Variants in IRX4 observed in about 807,000 individuals in gnomAD.
IRX4 encodes the protein iroquois-class homeodomain protein IRX-4.
In IRX4, 22 loss-of-function variants were observed where a neutral mutation model predicts 32.0. That is an observed-to-expected ratio of 0.69 (90% confidence interval 0.49 to 0.98). The LOEUF (loss-of-function observed/expected upper bound fraction) is 0.98. Among genes scored for constraint, IRX4 ranks in the 50% least tolerant of loss-of-function variants. IRX4 has a pLI of 0.00. For synonymous variants in IRX4, 379 were observed against 351.7 expected (o/e 1.08, Z -0.87); for missense variants, 840 against 744.2 (o/e 1.13, Z -1.50).
chr5:1,885,888 G>A (rs1019315814), upstream of IRX4, among the ~76,000 whole-genome samples: 4 of 152,282 alleles, frequency 2.6e-5, no homozygotes, highest in East Asian at 1.9e-4. Flanking sequence ...GCATAGACTC[G>A]GAGTGCTGAG....
In IRX4 at chr5:1,878,487, C is replaced by G. The variant is rs1347217232; in HGVS notation, c.1042G>C (p.Glu348Gln). 2.1e-6 allele frequency: 3 copies of G among 1,442,962 alleles called. No homozygotes were observed. Among genetic ancestry groups the G allele is most frequent in the Admixed American group, 2.7e-5 (1 of 36,614 alleles). The allele number at this position is 1,442,962 out of a possible 1,614,324, so 89.4% of individuals were successfully genotyped here. A position where few individuals can be genotyped will look rare whatever the true frequency, so the allele number is the denominator to read the frequency against. The part of the protein sequence containing the change: ...PGAEGGPQVC[E>Q]AKLGFVPAGA... ...GCCGGCACAAACCCCAGCTTGGCCT[C>G]GCAGACCTGAGGGCCGCCCTCTGCG... The change falls in exon 5 of 5, where the codon GAG becomes CAG. Residue 348 changes from glutamate (E) to glutamine (Q), a missense_variant. Glu to Gln is a conservative substitution (Grantham distance 29, BLOSUM62 2). Around this residue, in one of 3 missense-constraint regions of IRX4, gnomAD observed 585 missense variants for 488.0 expected, o/e 1.20. Transcript: ENST00000231357.
At chr5:1,885,486 A>G (rs375150444), upstream of IRX4, among the ~76,000 whole-genome samples, 37 of 151,890 alleles carry the variant, frequency 2.4e-4, no homozygotes, top group East Asian at 1.4e-3. Flanking sequence ...AGGCCGCCGC[A>G]CACACACGCT....
At position 1,881,965 on chromosome 5, in the gene IRX4, A is replaced by G; in HGVS notation, c.140T>C (p.Val47Ala). ...CCGGCTCTCGTAGACCGGGCAGTAG[A>G]CCGGCGCCTGGGCCGAGGCGGCGGG... The part of the protein sequence containing the change: ...SGPAASAQAP[V>A]YCPVYESRLL... Residue 47 changes from valine (V) to alanine (A), a missense_variant, in exon 2 of 5, where the codon GTC (valine) becomes GCC (alanine). Transcript: ENST00000231357. 1 of 1,558,530 alleles carries G rather than the reference A, an allele frequency of 6.4e-7. No individual in the cohort carries two copies. The highest frequency in any genetic ancestry group is 8.7e-7 in the Non-Finnish European group (1 of 1,151,836).
chr5:1,880,624 C>T (rs566779368), intron 3 of IRX4, 101 bp downstream of exon 3: 3 of 813,264 alleles, frequency 3.7e-6, no homozygotes, highest in South Asian at 3.0e-5. Flanking sequence ...CTTCCTGCCT[C>T]CCGCCTTCCA....
chr5:1,886,136 GT>G (rs1579259673), upstream of IRX4, among the ~76,000 whole-genome samples: 1 of 152,272 alleles, frequency 6.6e-6, no homozygotes, highest in Non-Finnish European at 1.5e-5. Context: ...CGGGGTTACC[GT>G]TGGCCGTCGG....
upstream of IRX4, chr5:1,886,716 C>T (rs1420457736): frequency 6.6e-6 from 1 of 151,018 alleles, no homozygotes; most frequent in Non-Finnish European, 1.5e-5. Context: ...CCACCCCCCG[C>T]CCCGCGCCGG....
rs911974075 is a variant in IRX4 at position 1,878,563 on chromosome 5, C to T, written c.966G>A (p.Arg322=). ...CCGCGCTGCGGAGACAGCTCCGGGC[C>T]CTCTCCAGGTCCTCGTCCAGAGCAG... ...GGAALDEDLE[R]ARSCLRSAAA... The change falls in exon 5 of 5, where the codon AGG becomes AGA. Residue 322 remains arginine, a synonymous_variant. Transcript: ENST00000231357. The T allele has an allele frequency of 1.3e-6, 2 of 1,543,078 alleles. No homozygotes were observed. The highest frequency in any genetic ancestry group is 1.4e-5 in the African/African-American group (1 of 72,808).
In IRX4 at chr5:1,878,643, G is replaced by A. The variant is rs905616747; in HGVS notation, c.886C>T (p.Pro296Ser). ...AGCGCGCCTGAGGCCTCCTTGACCG[G>A]GCCGTCGGGCGCGGCGGGGACGCGC... ...LERVPAAPDG[P>S]VKEASGALRM... The change falls in exon 5 of 5, where the codon CCG (proline) becomes TCG (serine). Residue 296 changes from proline (P) to serine (S), a missense_variant. By Grantham distance (74) the Pro-to-Ser change is moderately conservative (BLOSUM62 -1). This residue lies in a region of IRX4 where 585 missense variants were observed against 488.0 expected (regional missense o/e 1.20). Coordinates refer to ENST00000231357, the MANE Select transcript of IRX4 (RefSeq NM_016358.3). The A allele has an allele frequency of 1.3e-6, 2 of 1,592,814 alleles. No homozygotes were observed. Among genetic ancestry groups the A allele is most frequent in the Non-Finnish European group, 1.7e-6 (2 of 1,170,678 alleles).
intron 3 of IRX4, chr5:1,880,205 G>T: frequency 7.4e-7 from 1 of 1,355,840 alleles, no homozygotes; most frequent in South Asian, 1.3e-5. Context: ...ACGTGTGGCA[G>T]GAAGGGTCAT....
At chr5:1,883,335 C>T (rs1579256525), upstream of IRX4, among the ~76,000 whole-genome samples, 1 of 152,364 alleles carries the variant, frequency 6.6e-6, no homozygotes, top group East Asian at 1.9e-4. Context: ...ATTAGCCCGG[C>T]GCTGCGCAGG....
At position 1,882,708 on chromosome 5, in the gene IRX4, G is replaced by T; in HGVS notation, c.-61C>A. 3.5e-6 allele frequency: 4 copies of T among 1,134,322 alleles called. No homozygotes were observed. Among genetic ancestry groups the T allele is most frequent in the South Asian group, 2.4e-5 (1 of 41,112 alleles). 70.3% of individuals were successfully genotyped at this position (1,134,322 alleles called of 1,614,324 possible). A position where few individuals can be genotyped will look rare whatever the true frequency, so the allele number is the denominator to read the frequency against. ...CAGGGTTCTGCGCGCTGGGGCCGGC[G>T]TGGCGCGGCCACTGCTCCGGAGCTG... On this transcript the variant is annotated 5_prime_UTR_variant, in exon 1 of 5. Transcript: ENST00000231357.
intron 2 of IRX4, 70 bp from the exon 3 acceptor site, chr5:1,880,904 GC>G (rs1356768170): frequency 3.4e-6 from 4 of 1,160,148 alleles, no homozygotes; most frequent in Non-Finnish European, 5.2e-6. Context: ...TCTCCTAGGA[GC>G]CCCCCACTCC....
chr5:1,877,859 G>T lies in IRX4; in HGVS notation c.*110C>A. The T allele has an allele frequency of 9.7e-7, 1 of 1,032,650 alleles. No homozygotes were observed. The highest frequency in any genetic ancestry group is 1.4e-6 in the Non-Finnish European group (1 of 721,894). 64.0% of individuals were successfully genotyped at this position (1,032,650 alleles called of 1,614,324 possible). On this transcript the variant is annotated 3_prime_UTR_variant, in exon 5 of 5. Transcript: ENST00000231357. ...AGTTCAGAAGCCCCCTCTCCGGTGG[G>T]TTGGCGGCTTCGCGGTGGCCGCGCT...
Position 1,878,406 on chromosome 5 carries a change from C to G in IRX4, c.1123G>C (p.Ala375Pro), listed in dbSNP as rs1205060455. The G allele has an allele frequency of 1.3e-6, 2 of 1,525,572 alleles. No homozygotes were observed. Among genetic ancestry groups the G allele is most frequent in the Non-Finnish European group, 1.8e-6 (2 of 1,140,816 alleles). 94.5% of individuals were successfully genotyped at this position (1,525,572 alleles called of 1,614,324 possible). A position where few individuals can be genotyped will look rare whatever the true frequency, so the allele number is the denominator to read the frequency against. ...GTGGCGGCGGCGGCGGCGGCGGTGG[C>G]TGTGTGGGCCAGGGACCAGATGCGC... The part of the protein sequence containing the change: ...KPRIWSLAHT[A>P]TAAAAAATSL... Residue 375 changes from alanine (A) to proline (P), a missense_variant, in exon 5 of 5, where the codon GCC (alanine) becomes CCC (proline). This residue lies in a region of IRX4 where 585 missense variants were observed against 488.0 expected (regional missense o/e 1.20). Transcript: ENST00000231357.
rs61748182 is a variant in IRX4, at chr5:1,879,721, G to A, written c.519C>T (p.Gly173=). ...EHRKNPYPTK[G]EKIMLAIITK... Reference sequence around the variant, plus strand: ...TGATGATGGCCAGCATGATCTTCTCGCCCTTGGTGGGGTAGGGGTTCTTGC... The same window carrying A: ...TGATGATGGCCAGCATGATCTTCTCACCCTTGGTGGGGTAGGGGTTCTTGC... Residue 173 remains glycine, a synonymous_variant, in exon 4 of 5, where the codon GGC becomes GGT. Transcript: ENST00000231357. 75 of 1,614,128 alleles carry A rather than the reference G, an allele frequency of 4.6e-5. No individual in the cohort carries two copies. Among genetic ancestry groups the A allele is most frequent in the Non-Finnish European group, 5.4e-5 (64 of 1,180,042 alleles).
At chr5:1,883,287 T>C (rs547958537), upstream of IRX4, among the ~76,000 whole-genome samples, 2 of 152,342 alleles carry the variant, frequency 1.3e-5, no homozygotes, top group Admixed American at 6.5e-5. Flanking sequence ...AAATGAGACC[T>C]ATGAAAGGAC....
upstream of IRX4, chr5:1,884,039 C>T (rs955091186): frequency 6.6e-6 from 1 of 152,378 alleles, no homozygotes; most frequent in Admixed American, 6.5e-5. Context: ...CCAGGACTCC[C>T]TCGGCCAGTA....
rs1305865325 is a variant in IRX4 at position 1,878,397 on chromosome 5, C to T, written c.1132G>A (p.Ala378Thr). 2.6e-6 allele frequency: 4 copies of T among 1,524,342 alleles called. No homozygotes were observed. Among genetic ancestry groups the T allele is most frequent in the South Asian group, 1.2e-5 (1 of 82,144 alleles). 94.4% of individuals were successfully genotyped at this position (1,524,342 alleles called of 1,614,324 possible). ...IWSLAHTATA[A>T]AAAATSLSQT... ...CTCAGGGAGGTGGCGGCGGCGGCGG[C>T]GGCGGTGGCTGTGTGGGCCAGGGAC... The change falls in exon 5 of 5, where the codon GCC becomes ACC. Residue 378 changes from alanine to threonine, a missense_variant. Ala to Thr is a moderately conservative substitution (Grantham distance 58). Around this residue, in one of 3 missense-constraint regions of IRX4, gnomAD observed 585 missense variants for 488.0 expected, o/e 1.20. Transcript: ENST00000231357.
rs754848816 is a variant in IRX4, at chr5:1,881,987, C to A, written c.118G>T (p.Ala40Ser). 6.5e-7 allele frequency: 1 copy of A among 1,550,330 alleles called. No individual in the cohort carries two copies. The change falls in exon 2 of 5, where the codon GCC becomes TCC. Residue 40 changes from alanine (A) to serine (S), a missense_variant. Transcript: ENST00000231357. Reference sequence around the variant, plus strand: ...TAGACCGGCGCCTGGGCCGAGGCGGCGGGCCCGGAGTCCGCCAGCGTGCGG... The same window carrying A: ...TAGACCGGCGCCTGGGCCGAGGCGGAGGGCCCGGAGTCCGCCAGCGTGCGG... ...GGRTLADSGPAASAQAPVYCP... is the reference protein window; with the variant it reads ...GGRTLADSGPSASAQAPVYCP...
Sources: gnomAD v4.1 joint callset for allele counts (sites outside exome capture counted in the v4.1 genomes callset) on GRCh38, gnomAD v4.1.1 for gene constraint, gnomAD v4.1.1 regional missense constraint, MANE v1.5 for transcripts, NCBI Gene and HGNC (gene_info 2026-07-23, HGNC 2026-07-21) for gene names.